Variants in C8A observed in about 807,000 individuals in gnomAD.
C8A encodes complement C8 alpha chain.
Under a neutral mutation model 65.3 loss-of-function variants are expected in C8A, and 67 were observed. That is an observed-to-expected ratio of 1.03 (90% CI 0.84 to 1.26). C8A has a LOEUF of 1.26. Among genes scored for constraint, C8A ranks in the 50% most tolerant of loss-of-function variants. The probability of loss-of-function intolerance (pLI) is 0.00; values close to 1 mark genes in which losing one functional copy is unlikely to be tolerated. For missense variants in C8A, 781 were observed against 723.9 expected (o/e 1.08, Z -0.90); for synonymous variants, 290 against 259.4 (o/e 1.12, Z -1.13).
chr1:56,870,164 CA>C (rs1362657188), intron 2 of C8A, among the ~76,000 whole-genome samples: 1 of 152,052 alleles, frequency 6.6e-6, no homozygotes, highest in Admixed American at 6.6e-5. Flanking sequence ...TGGCTTAAAA[CA>C]ACAGAAATGT....
Position 56,912,507 on chromosome 1 carries a change from T to G in C8A, c.1485T>G (p.Asn495Lys). 6.2e-7 allele frequency: 1 copy of G among 1,614,222 alleles called. No homozygotes were observed. The highest frequency in any genetic ancestry group is 8.5e-7 in the Non-Finnish European group (1 of 1,180,042). ...RALDQYLMEF[N>K]ACRCGPCFNN... ...TGGACCAGTATCTGATGGAATTCAA[T>G]GCCTGCCGATGTGGGCCTTGCTTCA... is the stretch of plus-strand genomic sequence containing the variant. The change falls in exon 10 of 11, where the codon AAT (asparagine) becomes AAG (lysine). Residue 495 changes from asparagine (N) to lysine (K), a missense_variant. Asn to Lys is a moderately conservative substitution (Grantham distance 94). Transcript: ENST00000361249.
chr1:56,858,728 G>A (rs1644001014), intron 1 of C8A, among the ~76,000 whole-genome samples: 2 of 152,204 alleles, frequency 1.3e-5, no homozygotes, highest in African/African-American at 4.8e-5. Context: ...AACAATTGGA[G>A]TAGTGGGTGT....
chr1:56,888,280 A>G (rs1644316946), intron 7 of C8A, among the ~76,000 whole-genome samples: 1 of 152,192 alleles, frequency 6.6e-6, no homozygotes, highest in Non-Finnish European at 1.5e-5. Context: ...TTCGAGATGA[A>G]GCATTAATTT....
intron 7 of C8A, among the ~76,000 whole-genome samples, chr1:56,889,996 T>C (rs879264221): frequency 6.6e-6 from 1 of 152,256 alleles, no homozygotes; most frequent in Admixed American, 6.5e-5. Flanking sequence ...GATTTAGATT[T>C]TTTTCCCCTC....
At chr1:56,912,989 A>G (rs1644521737) in intron 10 of C8A, among the ~76,000 whole-genome samples, 1 of 152,208 alleles carries the variant, frequency 6.6e-6, no homozygotes, top group Non-Finnish European at 1.5e-5. Flanking sequence ...GTCCAAAGTC[A>G]GGTGTGTTGG....
chr1:56,869,364 G>T (rs79354671), intron 2 of C8A, among the ~76,000 whole-genome samples: 1 of 152,248 alleles, frequency 6.6e-6, no homozygotes, highest in African/African-American at 2.4e-5. Flanking sequence ...TCCATTTTAT[G>T]GTTGAGTAGT....
intron 2 of C8A, among the ~76,000 whole-genome samples, chr1:56,872,059 C>G (rs960906651): frequency 6.6e-6 from 1 of 152,086 alleles, no homozygotes; most frequent in African/African-American, 2.4e-5. Flanking sequence ...TATCCTGGCA[C>G]CAAGTTTCAG....
intron 7 of C8A, among the ~76,000 whole-genome samples, chr1:56,897,010 G>T (rs758262944): frequency 5.6e-4 from 85 of 152,176 alleles, no homozygotes; most frequent in Admixed American, 1.2e-3. Flanking sequence ...TGACACAGCT[G>T]GTCAGAGGCA....
At chr1:56,906,903 A>G (rs894717956) in intron 8 of C8A, 111 bp downstream of exon 8, 3 of 1,302,876 alleles carry the variant, frequency 2.3e-6, no homozygotes, top group Non-Finnish European at 3.3e-6. Context: ...TTAGTCAATG[A>G]TCAGACTGCA....
chr1:56,914,486 T>C (rs527856957), intron 10 of C8A, among the ~76,000 whole-genome samples: 1 of 152,276 alleles, frequency 6.6e-6, no homozygotes, highest in African/African-American at 2.4e-5. Flanking sequence ...AAATTGAATT[T>C]AAATATTTTA....
rs1336130846 is a variant in C8A, at chr1:56,883,575, T to C, written c.749T>C (p.Val250Ala). 1 of 1,613,902 alleles carries C rather than the reference T, an allele frequency of 6.2e-7. No individual in the cohort carries two copies. The highest frequency in any genetic ancestry group is 1.1e-5 in the South Asian group (1 of 91,076). Residue 250 changes from valine to alanine, a missense_variant, in exon 6 of 11, where the codon GTG (valine) becomes GCG (alanine). Coordinates refer to ENST00000361249, the MANE Select transcript of C8A (RefSeq NM_000562.3). ...AAAGACAAGTCTGACTCATTTGGAG[T>C]GACCATCGGCATAGGCCCAGCCGGC... ...VKKDKSDSFG[V>A]TIGIGPAGSP...
At chr1:56,894,875 G>C (rs560118319) in intron 7 of C8A, among the ~76,000 whole-genome samples, 151 of 152,184 alleles carry the variant, frequency 9.9e-4, no homozygotes, top group African/African-American at 3.3e-3. Flanking sequence ...AATTTACTCT[G>C]TGGACAGCCA....
intron 9 of C8A, among the ~76,000 whole-genome samples, chr1:56,910,366 C>T (rs1644496074): frequency 6.6e-6 from 1 of 152,182 alleles, no homozygotes; most frequent in South Asian, 2.1e-4. Flanking sequence ...AGATCACTGC[C>T]AATACCTTTT....
chr1:56,873,148 G>C (rs1361811647), intron 2 of C8A, among the ~76,000 whole-genome samples: 1 of 152,166 alleles, frequency 6.6e-6, no homozygotes, highest in African/African-American at 2.4e-5. Context: ...CTTTGTTAAT[G>C]AGCAGCTAAG....
intron 7 of C8A, among the ~76,000 whole-genome samples, chr1:56,891,240 CT>C (rs1398563279): frequency 6.6e-6 from 1 of 151,996 alleles, no homozygotes; most frequent in Non-Finnish European, 1.5e-5. Context: ...GAGTGGACAG[CT>C]TGTACAAAGG....
rs1237200499 is a variant in C8A at position 56,912,582 on chromosome 1, C to T, written c.1560C>T (p.Arg520=). ...GCACCAGCTGCAGGTGCCAGTGCCG[C>T]CTGGGTAGCTTGGGTGCTGCCTGTG... is the stretch of plus-strand genomic sequence containing the variant. ...LEGTSCRCQC[R]LGSLGAACEQ... The change falls in exon 10 of 11, where the codon CGC becomes CGT. Residue 520 remains arginine, a synonymous_variant. Transcript: ENST00000361249. 2 of 1,614,200 alleles carry T rather than the reference C, an allele frequency of 1.2e-6. No homozygotes were observed. The highest frequency in any genetic ancestry group is 8.5e-7 in the Non-Finnish European group (1 of 1,180,030).
intron 7 of C8A, among the ~76,000 whole-genome samples, chr1:56,905,529 A>C (rs1386665766): frequency 1.3e-5 from 2 of 152,204 alleles, no homozygotes; most frequent in Non-Finnish European, 2.9e-5. Flanking sequence ...CTAACAAGAC[A>C]ATGGTGAATT....
At chr1:56,910,778 C>T (rs967383328) in intron 9 of C8A, among the ~76,000 whole-genome samples, 30 of 152,198 alleles carry the variant, frequency 2.0e-4, no homozygotes, top group African/African-American at 7.0e-4. Context: ...GTACACATTT[C>T]CAGGAACTCA....
At chr1:56,878,618 C>G (rs1331569962) in intron 4 of C8A, among the ~76,000 whole-genome samples, 1 of 152,062 alleles carries the variant, frequency 6.6e-6, no homozygotes, top group Non-Finnish European at 1.5e-5. Flanking sequence ...CTTTCTTGCT[C>G]TTATTTTTTT....
Sources: allele counts gnomAD v4.1 joint callset (sites outside exome capture counted in the v4.1 genomes callset), GRCh38; gene constraint gnomAD v4.1.1; transcripts MANE v1.5; gene names NCBI Gene and HGNC (gene_info 2026-07-23, HGNC 2026-07-21).